Variants in RAP1GAP2 observed in about 807,000 individuals in gnomAD.
RAP1GAP2 encodes RAP1 GTPase activating protein 2, also known as rap1 GTPase-activating protein 2.
In RAP1GAP2, 27 loss-of-function variants were observed where a neutral mutation model predicts 95.0. That is an observed-to-expected ratio of 0.28 (90% CI 0.21 to 0.39). RAP1GAP2 has a LOEUF of 0.39. Among genes scored for constraint, RAP1GAP2 ranks in the 10% least tolerant of loss-of-function variants. The probability of loss-of-function intolerance (pLI) is 1.00; values close to 1 mark genes in which losing one functional copy is unlikely to be tolerated. For missense variants in RAP1GAP2, 771 were observed against 970.0 expected (o/e 0.79, Z 2.72); for synonymous variants, 373 against 380.9 (o/e 0.98, Z 0.24).
At chr17:3,016,358 T>C (rs745808560) in intron 17 of RAP1GAP2, among the ~76,000 whole-genome samples, 1 of 152,220 alleles carries the variant, frequency 6.6e-6, no homozygotes, top group Admixed American at 6.5e-5. Context: ...CTGCGTCCCA[T>C]GGAGGAGGAG....
intron 2 of RAP1GAP2, among the ~76,000 whole-genome samples, chr17:2,838,899 C>G (rs946967339): frequency 6.6e-6 from 1 of 152,180 alleles, no homozygotes; most frequent in East Asian, 1.9e-4. Flanking sequence ...GAGTGGGTCT[C>G]AAGCCTCAGG....
intron 2 of RAP1GAP2, among the ~76,000 whole-genome samples, chr17:2,900,780 CT>C (rs1030156399): frequency 1.3e-5 from 2 of 152,192 alleles, no homozygotes; most frequent in Admixed American, 6.6e-5. Context: ...TTTATTACCC[CT>C]ATCTTTGCAG....
intron 1 of RAP1GAP2, among the ~76,000 whole-genome samples, chr17:2,756,035 C>A (rs536227996): frequency 6.6e-6 from 1 of 150,548 alleles, no homozygotes; most frequent in South Asian, 2.1e-4. Context: ...GGAACCCCGT[C>A]CCCCTCCCGC....
chr17:2,884,581 C>T (rs888055881), intron 2 of RAP1GAP2, among the ~76,000 whole-genome samples: 1 of 151,992 alleles, frequency 6.6e-6, no homozygotes, highest in African/African-American at 2.4e-5. Context: ...ACCATGTTGC[C>T]CAGGCTGGTC....
In RAP1GAP2 at chr17:2,906,064, A is replaced by G. The variant is rs957431070; in HGVS notation, c.165+696A>G. On this transcript the variant is annotated intron_variant, in intron 3 of 24. Coordinates refer to ENST00000254695, the MANE Select transcript of RAP1GAP2 (RefSeq NM_015085.5). The surrounding 1 kb of genome is among the most constrained non-coding windows in gnomAD (Gnocchi z 4.3). ...CTTTTGGCTCAGCCAGTGTTTCTGCATAGGCTGGCATGCACGCTCTCCCTC... is the reference window on the plus strand; with the variant it reads ...CTTTTGGCTCAGCCAGTGTTTCTGCGTAGGCTGGCATGCACGCTCTCCCTC... 1.3e-5 allele frequency among the ~76,000 whole-genome samples: 2 copies of G among 152,210 alleles called. No homozygotes were observed. Among genetic ancestry groups the G allele is most frequent in the Admixed American group, 6.5e-5 (1 of 15,298 alleles).
At chr17:2,932,584 C>CAAAAAAA (rs71153311) in intron 3 of RAP1GAP2, among the ~76,000 whole-genome samples, 2 of 52,338 alleles carry the variant, frequency 3.8e-5, no homozygotes, top group East Asian at 5.6e-4. Context: ...GACTCCATCT[C>CAAAAAAA]AAAAAAAAAA....
chr17:2,838,333 A>T (rs566091963), intron 2 of RAP1GAP2, among the ~76,000 whole-genome samples: 1 of 151,906 alleles, frequency 6.6e-6, no homozygotes. Flanking sequence ...TTCCTTCTTG[A>T]TGGGGCTGAC....
At position 2,963,330 on chromosome 17, in the gene RAP1GAP2, C is replaced by G. The variant is rs76412899; in HGVS notation, c.247-100C>G. 3 of 1,290,378 alleles carry G rather than the reference C, an allele frequency of 2.3e-6. No individual in the cohort carries two copies. Among genetic ancestry groups the G allele is most frequent in the Middle Eastern group, 1.9e-4 (1 of 5,400 alleles). 79.9% of individuals were successfully genotyped at this position (1,290,378 alleles called of 1,614,324 possible). On this transcript the variant is annotated intron_variant, in intron 5 of 24. Transcript: ENST00000254695. The surrounding 1 kb of genome is among the most constrained non-coding windows in gnomAD (Gnocchi z 4.8). ...TCCATCGAATGTTCCTCCCTCAAAGCCCCCCCACAACATATCCCCCTTGCA... is the reference window on the plus strand; with the variant it reads ...TCCATCGAATGTTCCTCCCTCAAAGGCCCCCCACAACATATCCCCCTTGCA...
intron 2 of RAP1GAP2, among the ~76,000 whole-genome samples, chr17:2,830,628 C>T (rs546773807): frequency 3.3e-5 from 5 of 150,976 alleles, no homozygotes; most frequent in Non-Finnish European, 5.9e-5. Flanking sequence ...GCAGGAGAAT[C>T]GCTTGAACCT....
chr17:2,766,370 G>A (rs1195611108), intron 1 of RAP1GAP2, among the ~76,000 whole-genome samples: 1 of 152,190 alleles, frequency 6.6e-6, no homozygotes, highest in East Asian at 1.9e-4. Flanking sequence ...CAGACGCACT[G>A]GCTCACGCCT....
At position 2,943,887 on chromosome 17, in the gene RAP1GAP2, C is replaced by T. The variant is rs189215548; in HGVS notation, c.166-13872C>T. 1.6e-3 allele frequency among the ~76,000 whole-genome samples: 242 copies of T among 152,134 alleles called. 3 individuals carry two copies. The highest frequency in any genetic ancestry group is 4.1e-3 in the Admixed American group (62 of 15,282). ...AGAAGAGGCCAGGCATGGTGGCTCA[C>T]GCCTGTAATCCCAGCACTTTGGGAG... On this transcript the variant is annotated intron_variant, in intron 3 of 24. Coordinates refer to ENST00000254695, the MANE Select transcript of RAP1GAP2 (RefSeq NM_015085.5).
intron 2 of RAP1GAP2, among the ~76,000 whole-genome samples, chr17:2,820,395 C>T (rs914314773): frequency 2.6e-5 from 4 of 151,962 alleles, no homozygotes; most frequent in East Asian, 3.9e-4. Context: ...CCAAGGTGGG[C>T]GGATCACTTG....
chr17:2,905,359 C>G lies in RAP1GAP2; in HGVS notation c.156C>G (p.Pro52=), dbSNP rs1336584579. 1.2e-6 allele frequency: 2 copies of G among 1,613,632 alleles called. No homozygotes were observed. Among genetic ancestry groups the G allele is most frequent in the Admixed American group, 3.3e-5 (2 of 60,020 alleles). Residue 52 remains proline (P), a synonymous_variant, in exon 3 of 25, where the codon CCC becomes CCG. Coordinates refer to ENST00000254695, the MANE Select transcript of RAP1GAP2 (RefSeq NM_015085.5). Reference sequence around the variant, plus strand: ...TCTCCCCTCCTCTCACGGCACCTCCCACCATGAAGGTAAGAGGCTTCGATT... The same window carrying G: ...TCTCCCCTCCTCTCACGGCACCTCCGACCATGAAGGTAAGAGGCTTCGATT... The part of the protein sequence containing the change: ...RPLSPPLTAP[P]TMKSSEFFEM...
chr17:2,907,550 G>GT (rs1350664443), intron 3 of RAP1GAP2, among the ~76,000 whole-genome samples: 2 of 152,096 alleles, frequency 1.3e-5, no homozygotes, highest in African/African-American at 4.8e-5. Context: ...CAGGGGGAAC[G>GT]TAAGGTTAGG....
intron 2 of RAP1GAP2, among the ~76,000 whole-genome samples, chr17:2,875,686 A>G (rs534641296): frequency 6.6e-6 from 1 of 152,020 alleles, no homozygotes; most frequent in Non-Finnish European, 1.5e-5. Flanking sequence ...ACGACAGTGA[A>G]TGTCTTGTCC....
At chr17:2,952,879 A>G (rs772457773) in intron 3 of RAP1GAP2, among the ~76,000 whole-genome samples, 21 of 151,764 alleles carry the variant, frequency 1.4e-4, no homozygotes, top group Non-Finnish European at 2.6e-4. Flanking sequence ...ATCTCAGCTC[A>G]CTGCAGCCTC....
intron 2 of RAP1GAP2, among the ~76,000 whole-genome samples, chr17:2,849,534 G>T (rs995552942): frequency 6.6e-6 from 1 of 152,218 alleles, no homozygotes; most frequent in South Asian, 2.1e-4. Context: ...GGCCCCTCAG[G>T]AACGGGCTGT....
At chr17:2,853,441 G>A (rs919947433) in intron 2 of RAP1GAP2, among the ~76,000 whole-genome samples, 6 of 151,424 alleles carry the variant, frequency 4.0e-5, no homozygotes, top group African/African-American at 1.5e-4. Flanking sequence ...GGGGAGGGCG[G>A]CAGCCGCCTC....
Position 2,980,377 on chromosome 17 carries a change from A to G in RAP1GAP2, c.675+12A>G, listed in dbSNP as rs2045313655. On this transcript the variant is annotated intron_variant, in intron 9 of 24. Coordinates refer to ENST00000254695, the MANE Select transcript of RAP1GAP2 (RefSeq NM_015085.5). ...CTCAGATTGCAAAGGTGAGAAACCA[A>G]CCCGTGAGAGATGGTGGCTTCCTCT... The G allele has an allele frequency of 1.9e-6, 3 of 1,612,810 alleles. No individual in the cohort carries two copies. The East Asian group carries it at 6.7e-5, about 36-fold the overall frequency.
Sources: gnomAD v4.1 joint callset for allele counts (sites outside exome capture counted in the v4.1 genomes callset) on GRCh38, gnomAD v4.1.1 for gene constraint, Gnocchi (gnomAD v3.1) non-coding constraint, MANE v1.5 for transcripts, NCBI Gene and HGNC (gene_info 2026-07-23, HGNC 2026-07-21) for gene names.